STPG2: variants seen among roughly 807,000 people sequenced by gnomAD.
STPG2 encodes the protein sperm tail PG-rich repeat containing 2, also known as sperm-tail PG-rich repeat-containing protein 2.
A neutral mutation model predicts 54.2 loss-of-function variants in STPG2; 56 were observed. The ratio of observed to expected loss-of-function variants is 1.03; its 90% CI spans 0.83 to 1.29. The LOEUF (loss-of-function observed/expected upper bound fraction) is 1.29. Among genes scored for constraint, STPG2 ranks in the 50% most tolerant of loss-of-function variants. The probability of loss-of-function intolerance (pLI) is 0.00; values close to 1 mark genes in which losing one functional copy is unlikely to be tolerated. For synonymous variants in STPG2, 200 were observed against 181.8 expected (o/e 1.10, Z -0.81); for missense variants, 596 against 544.9 (o/e 1.09, Z -0.93).
At chr4:97,670,562 C>T (rs1010982757) in intron 10 of STPG2, among the ~76,000 whole-genome samples, 3 of 152,180 alleles carry the variant, frequency 2.0e-5, no homozygotes, top group African/African-American at 7.2e-5. Flanking sequence ...GACTACAAAG[C>T]ATTCTTTTGC....
chr4:97,965,182 G>C (rs1734049272), intron 7 of STPG2, among the ~76,000 whole-genome samples: 1 of 152,240 alleles, frequency 6.6e-6, no homozygotes, highest in African/African-American at 2.4e-5. Context: ...CAGACCAGGA[G>C]ATTATCTCCT....
At chr4:97,822,475 A>G (rs1035433591) in intron 9 of STPG2, among the ~76,000 whole-genome samples, 4 of 152,158 alleles carry the variant, frequency 2.6e-5, no homozygotes, top group African/African-American at 9.7e-5. Flanking sequence ...TTCCTCATTT[A>G]AAGGTTATCT....
At chr4:97,534,523 T>C (rs1379966123) in intron 4 of STPG2, among the ~76,000 whole-genome samples, 1 of 152,176 alleles carries the variant, frequency 6.6e-6, no homozygotes, top group African/African-American at 2.4e-5. Flanking sequence ...GCAACATTTT[T>C]TGAAAAGACT....
chr4:97,931,564 T>C (rs1732546088), intron 8 of STPG2, among the ~76,000 whole-genome samples: 1 of 152,242 alleles, frequency 6.6e-6, no homozygotes, highest in Non-Finnish European at 1.5e-5. Flanking sequence ...CTTTTAGATA[T>C]GCTGCTGGAT....
intron 8 of STPG2, among the ~76,000 whole-genome samples, chr4:97,907,356 G>C (rs1264953462): frequency 2.6e-5 from 4 of 151,938 alleles, no homozygotes; most frequent in Admixed American, 6.6e-5. Context: ...CACTGCTCAA[G>C]GAAATAAAAG....
chr4:97,981,261 T>A lies in STPG2; in HGVS notation c.670A>T (p.Thr224Ser), dbSNP rs1734667373. Residue 224 changes from threonine to serine, a missense_variant, in exon 6 of 11, where the codon ACT becomes TCT. By Grantham distance (58) the Thr-to-Ser change is moderately conservative. Coordinates refer to ENST00000295268, the MANE Select transcript of STPG2 (RefSeq NM_174952.3). ...PAPGTYNEPR[T>S]ALKSLKKTSG... ...GTTTTCTTCAAAGACTTGAGAGCAG[T>A]TCGAGGTTCATTATATGTGCCAGGA... is the stretch of plus-strand genomic sequence containing the variant. The A allele has an allele frequency of 3.1e-6, 5 of 1,614,060 alleles. No homozygotes were observed. In the Middle Eastern group the frequency reaches 5.0e-4, roughly 160 times the overall value.
At chr4:97,502,885 T>C (rs898972700) in intron 4 of STPG2, among the ~76,000 whole-genome samples, 74 of 152,016 alleles carry the variant, frequency 4.9e-4, no homozygotes, top group African/African-American at 1.8e-3. Context: ...ACGCTGTGAA[T>C]AGCAATCTCT....
At chr4:97,599,773 G>C (rs1222743967) in intron 10 of STPG2, among the ~76,000 whole-genome samples, 1 of 149,868 alleles carries the variant, frequency 6.7e-6, no homozygotes, top group Non-Finnish European at 1.5e-5. Flanking sequence ...GCAGTGAGTG[G>C]AGATCGTGCC....
chr4:97,715,998 GA>G (rs977641515), intron 9 of STPG2, among the ~76,000 whole-genome samples: 15 of 151,936 alleles, frequency 9.9e-5, no homozygotes, highest in Admixed American at 5.9e-4. Context: ...AAATGTACAA[GA>G]AAAAAATAAC....
intron 10 of STPG2, among the ~76,000 whole-genome samples, chr4:97,673,149 A>G (rs1291593192): frequency 1.3e-5 from 2 of 152,246 alleles, no homozygotes; most frequent in African/African-American, 4.8e-5. Flanking sequence ...AGCCACATAT[A>G]TGCTAAGAAA....
chr4:97,918,054 G>A (rs1411222233), intron 8 of STPG2, among the ~76,000 whole-genome samples: 2 of 150,256 alleles, frequency 1.3e-5, no homozygotes, highest in African/African-American at 4.9e-5. Flanking sequence ...ATTAAGGCAT[G>A]CGTATATAAG....
At chr4:97,599,468 T>C (rs545091800) in intron 10 of STPG2, among the ~76,000 whole-genome samples, 1 of 152,300 alleles carries the variant, frequency 6.6e-6, no homozygotes, top group Non-Finnish European at 1.5e-5. Flanking sequence ...ACAGCACTAT[T>C]CACAGTAGCA....
intron 4 of STPG2, among the ~76,000 whole-genome samples, chr4:98,106,319 T>A (rs1188909899): frequency 2.0e-5 from 3 of 152,080 alleles, no homozygotes; most frequent in Non-Finnish European, 2.9e-5. Flanking sequence ...GAAAATAAGA[T>A]CTGGTATTTA....
chr4:97,871,162 T>A (rs923235505), intron 8 of STPG2, among the ~76,000 whole-genome samples: 4 of 150,750 alleles, frequency 2.7e-5, no homozygotes, highest in Non-Finnish European at 6.0e-5. Flanking sequence ...ATATAAAAAG[T>A]GGTGATTAAA....
intron 5 of STPG2, among the ~76,000 whole-genome samples, chr4:98,056,970 T>C (rs556369423): frequency 2.7e-4 from 41 of 152,276 alleles, no homozygotes; most frequent in African/African-American, 9.4e-4. Context: ...CTGTGGAACT[T>C]TGAGTCAGTT....
intron 10 of STPG2, among the ~76,000 whole-genome samples, chr4:97,567,950 C>T (rs1732498291): frequency 6.6e-6 from 1 of 151,990 alleles, no homozygotes; most frequent in African/African-American, 2.4e-5. Flanking sequence ...CCTATTGAAC[C>T]AGGTGGAAAA....
chr4:97,983,597 T>G (rs1734742881), intron 5 of STPG2, among the ~76,000 whole-genome samples: 1 of 152,214 alleles, frequency 6.6e-6, no homozygotes, highest in African/African-American at 2.4e-5. Flanking sequence ...CATCATTATC[T>G]CGTTTAGAAC....
At chr4:97,738,111 A>G (rs1229959062) in intron 9 of STPG2, among the ~76,000 whole-genome samples, 1 of 152,204 alleles carries the variant, frequency 6.6e-6, no homozygotes, top group Admixed American at 6.5e-5. Flanking sequence ...CAGCCAAACT[A>G]AACTTCATAA....
rs538023512 is a variant in STPG2, at chr4:98,107,680, A to G, written c.500+1513T>C. Among the ~76,000 whole-genome samples the G allele has an allele frequency of 1.3e-4, 20 of 152,238 alleles. No homozygotes were observed. The East Asian group carries it at 3.9e-3, about 29-fold the overall frequency. On this transcript the variant is annotated intron_variant, in intron 4 of 10. Coordinates refer to ENST00000295268, the MANE Select transcript of STPG2 (RefSeq NM_174952.3). ...GGCAGAAGTATAGTGAAATGGAATG[A>G]AAACAATCATCACAGAATGATATAC...
Sources: allele counts gnomAD v4.1 joint callset (sites outside exome capture counted in the v4.1 genomes callset), GRCh38; gene constraint gnomAD v4.1.1; transcripts MANE v1.5; gene names NCBI Gene and HGNC (gene_info 2026-07-23, HGNC 2026-07-21).